The following RBFOX1 variants were observed in gnomAD, a reference collection of about 807,000 sequenced individuals.
The protein encoded by RBFOX1 is RNA binding fox-1 homolog 1, also known as RNA binding protein fox-1 homolog 1.
A neutral mutation model predicts 57.7 loss-of-function variants in RBFOX1; 8 were observed. The ratio of observed to expected loss-of-function variants is 0.14; its 90% CI spans 0.08 to 0.25. The LOEUF is 0.25. RBFOX1 is among the 10% of genes least tolerant of loss of function. The pLI is 1.00. For missense variants in RBFOX1, 611 were observed against 548.5 expected, an observed-to-expected ratio of 1.11 and a Z score of -1.14; for synonymous variants, 326 against 222.4, an observed-to-expected ratio of 1.47 and a Z score of -4.15.
chr16:5,384,537 A>C (rs1222313931), intron 1 of RBFOX1, among the ~76,000 whole-genome samples: 1 of 152,216 alleles, frequency 6.6e-6, no homozygotes, highest in Non-Finnish European at 1.5e-5. Flanking sequence ...GCAGAGGGAC[A>C]ATCAAGGTAG....
At chr16:6,901,892 A>C (rs1336725495) in intron 3 of RBFOX1, among the ~76,000 whole-genome samples, 1 of 152,152 alleles carries the variant, frequency 6.6e-6, no homozygotes, top group Non-Finnish European at 1.5e-5. Flanking sequence ...TAAGTGATGA[A>C]CTGGGGTTTA....
At chr16:5,432,556 T>C (rs545954849) in intron 1 of RBFOX1, among the ~76,000 whole-genome samples, 112 of 110,132 alleles carry the variant, frequency 1.0e-3, no homozygotes, top group African/African-American at 3.6e-3. Context: ...TTTTTGTTTG[T>C]TTGTTTTTTT....
intron 3 of RBFOX1, among the ~76,000 whole-genome samples, chr16:6,809,269 G>T (rs1366292248): frequency 2.0e-5 from 3 of 152,096 alleles, no homozygotes; most frequent in Non-Finnish European, 4.4e-5. Flanking sequence ...ATCGTTCATT[G>T]CTCAATTAAA....
rs545416834 is a variant in RBFOX1, at chr16:5,948,659, T to A, written c.351+81324T>A. ...CTGAAATTCAAGGAATGCTGCAGAT[T>A]TCCAGCAGCAACAAGAAACCGGGAG... is the stretch of plus-strand genomic sequence containing the variant. On this transcript the variant is annotated intron_variant, in intron 4 of 19. Transcript: ENST00000641259. Among the ~76,000 whole-genome samples, 9 of 152,254 alleles carry A rather than the reference T, an allele frequency of 5.9e-5. No individual in the cohort carries two copies. In the East Asian group the frequency reaches 1.7e-3, roughly 29 times the overall value.
intron 2 of RBFOX1, among the ~76,000 whole-genome samples, chr16:6,625,806 T>C (rs1056256852): frequency 6.6e-6 from 1 of 152,256 alleles, no homozygotes; most frequent in African/African-American, 2.4e-5. Flanking sequence ...AGAATGATGA[T>C]TATCAGCTAA....
intron 3 of RBFOX1, among the ~76,000 whole-genome samples, chr16:6,688,359 C>G (rs140385856): frequency 6.9e-4 from 105 of 152,284 alleles, no homozygotes; most frequent in Middle Eastern, 3.4e-3. Flanking sequence ...TCAATCACCT[C>G]TCATCAGGCC....
At chr16:5,328,430 A>G (rs781689049) in intron 1 of RBFOX1, among the ~76,000 whole-genome samples, 2 of 152,256 alleles carry the variant, frequency 1.3e-5, no homozygotes, top group African/African-American at 2.4e-5. Flanking sequence ...GTGAGGAAGT[A>G]CATTTCTGTA....
chr16:7,037,771 C>A (rs1386308547), intron 3 of RBFOX1, among the ~76,000 whole-genome samples: 1 of 152,084 alleles, frequency 6.6e-6, no homozygotes, highest in Non-Finnish European at 1.5e-5. Flanking sequence ...GAGCTTTGAA[C>A]CTTGGAAGTC....
At position 6,019,983 on chromosome 16, in the gene RBFOX1, G is replaced by A. The variant is rs1035661079; in HGVS notation, c.-136G>A. ...AACGTGACCGCAGCCGGGCTCGCCG[G>A]GAGTTCTAGGTAAGTCCAGGCGGAG... On this transcript the variant is annotated 5_prime_UTR_variant, in exon 1 of 16. Coordinates refer to ENST00000550418, the MANE Select transcript of RBFOX1 (RefSeq NM_018723.4). The surrounding 1 kb of genome is among the most constrained non-coding windows in gnomAD (Gnocchi z 4.2). 11 of 1,529,296 alleles carry A rather than the reference G, an allele frequency of 7.2e-6. No individual in the cohort carries two copies. The African/African-American group carries it at 1.4e-4, about 19-fold the overall frequency. The allele number at this position is 1,529,296 out of a possible 1,614,324, so 94.7% of individuals were successfully genotyped here.
At chr16:6,165,938 T>C (rs1284317398) in intron 1 of RBFOX1, among the ~76,000 whole-genome samples, 1 of 152,148 alleles carries the variant, frequency 6.6e-6, no homozygotes, top group Non-Finnish European at 1.5e-5. Flanking sequence ...TGCCGGGATG[T>C]TGTCATCAAC....
At chr16:7,682,548 T>G (rs1328650499) in intron 14 of RBFOX1, among the ~76,000 whole-genome samples, 5 of 151,282 alleles carry the variant, frequency 3.3e-5, no homozygotes, top group African/African-American at 9.8e-5. Flanking sequence ...GGTTTTAGTT[T>G]TTTTTTTTTT....
chr16:6,858,404 TTTC>T (rs904613932), intron 3 of RBFOX1, among the ~76,000 whole-genome samples: 17 of 152,202 alleles, frequency 1.1e-4, no homozygotes, highest in South Asian at 2.1e-4. Flanking sequence ...TGTGTTGTTC[TTTC>T]TTCTTTAATT....
At chr16:6,734,668 C>CATA (rs1464565625) in intron 3 of RBFOX1, among the ~76,000 whole-genome samples, 1 of 152,172 alleles carries the variant, frequency 6.6e-6, no homozygotes, top group Non-Finnish European at 1.5e-5. Context: ...TCATTCTACA[C>CATA]ATATTTTATC....
chr16:7,010,827 T>G (rs749000637), intron 3 of RBFOX1, among the ~76,000 whole-genome samples: 4 of 150,314 alleles, frequency 2.7e-5, no homozygotes, highest in Non-Finnish European at 4.4e-5. Flanking sequence ...TGCCTCTGCC[T>G]CCGCCTCCCA....
At chr16:5,655,053 C>G (rs758048023) in intron 3 of RBFOX1, among the ~76,000 whole-genome samples, 1 of 152,188 alleles carries the variant, frequency 6.6e-6, no homozygotes, top group Non-Finnish European at 1.5e-5. Context: ...AGGACGCACA[C>G]ACTAGGGCGC....
intron 3 of RBFOX1, among the ~76,000 whole-genome samples, chr16:7,001,341 ACT>A (rs2092769849): frequency 7.1e-6 from 1 of 141,536 alleles, no homozygotes; most frequent in Admixed American, 6.9e-5. Flanking sequence ...CCTGGCCCTG[ACT>A]CTGTGTGTGT....
Position 6,349,281 on chromosome 16 carries a change from A to G in RBFOX1, c.-64+32224A>G, listed in dbSNP as rs1482777757. On this transcript the variant is annotated intron_variant, in intron 2 of 15. Transcript: ENST00000550418. ...CTTACCTAGCCGACGACTTGAGTGT[A>G]GAATTCACTCAGCTGATAAGGAGGC... is the stretch of plus-strand genomic sequence containing the variant. Among the ~76,000 whole-genome samples the G allele has an allele frequency of 3.3e-5, 5 of 152,344 alleles. No homozygotes were observed. The East Asian group carries it at 5.8e-4, about 18-fold the overall frequency.
intron 2 of RBFOX1, among the ~76,000 whole-genome samples, chr16:6,573,541 G>A (rs2097374730): frequency 6.6e-6 from 1 of 152,164 alleles, no homozygotes; most frequent in African/African-American, 2.4e-5. Flanking sequence ...TGATATTCCT[G>A]CATCTCCCCA....
chr16:7,518,518 C>T lies in RBFOX1; in HGVS notation c.270+129C>T, dbSNP rs1020062872. The stretch of plus-strand genomic sequence containing the variant: ...ACAGATCAGTCCCTAAGCCCACCCT[C>T]ATCATACCAGCTTCCTGAAGTTTAC... On this transcript the variant is annotated intron_variant, in intron 5 of 15. Coordinates refer to ENST00000550418, the MANE Select transcript of RBFOX1 (RefSeq NM_018723.4). The T allele has an allele frequency of 4.4e-5, 54 of 1,225,906 alleles. 1 individual carries two copies. The highest frequency in any genetic ancestry group is 4.2e-4 in the Admixed American group (14 of 33,692). 75.9% of individuals were successfully genotyped at this position (1,225,906 alleles called of 1,614,324 possible).
Sources: gnomAD v4.1 joint callset for allele counts (sites outside exome capture counted in the v4.1 genomes callset) on GRCh38, gnomAD v4.1.1 for gene constraint, Gnocchi (gnomAD v3.1) non-coding constraint, MANE v1.5 for transcripts, NCBI Gene and HGNC (gene_info 2026-07-23, HGNC 2026-07-21) for gene names.